Variants in AP2B1 observed in about 807,000 individuals in gnomAD.
AP2B1 encodes AP-2 complex subunit beta.
A neutral mutation model predicts 102.0 loss-of-function variants in AP2B1; 23 were observed. The ratio of observed to expected loss-of-function variants is 0.23; its 90% CI spans 0.16 to 0.32. AP2B1 has a LOEUF of 0.32. Ranked by LOEUF, AP2B1 falls within the 10% of genes least tolerant of loss-of-function variation. The pLI is 1.00. For synonymous variants in AP2B1, 381 were observed against 421.2 expected (o/e 0.90, Z 1.17); for missense variants, 541 against 1,157.4 (o/e 0.47, Z 7.73).
chr17:35,656,852 T>G (rs1198952345), intron 13 of AP2B1, among the ~76,000 whole-genome samples: 1 of 142,692 alleles, frequency 7.0e-6, no homozygotes, highest in Non-Finnish European at 1.5e-5. Context: ...GCCACTGCAC[T>G]CCAGCCTGGG....
intron 6 of AP2B1, among the ~76,000 whole-genome samples, chr17:35,625,140 CT>C (rs2074281770): frequency 6.6e-6 from 1 of 151,910 alleles, no homozygotes; most frequent in African/African-American, 2.4e-5. Context: ...TAGAAATTGA[CT>C]ACTAAATTTC....
At chr17:35,640,226 G>C (rs1355062811) in intron 11 of AP2B1, among the ~76,000 whole-genome samples, 2 of 79,938 alleles carry the variant, frequency 2.5e-5, no homozygotes, top group African/African-American at 1.1e-4. Flanking sequence ...CAGTTTTACT[G>C]ATTTTTTTTT....
chr17:35,604,627 G>A (rs1030557141), intron 3 of AP2B1, among the ~76,000 whole-genome samples: 6 of 152,018 alleles, frequency 3.9e-5, no homozygotes, highest in South Asian at 4.1e-4. Context: ...GAGTGGTGGC[G>A]CACGCCTGTA....
Position 35,679,927 on chromosome 17 carries a change from C to CTT in AP2B1, c.2325-2753_2325-2752dup, listed in dbSNP as rs34182919. The stretch of plus-strand genomic sequence containing the variant: ...TCTTGGAAGAGTATGTGTGTAAACT[C>CTT]TTTTTTTTTTTTTTTTGAGACAGAG... On this transcript the variant is annotated intron_variant, in intron 17 of 21. Coordinates refer to ENST00000610402, the MANE Select transcript of AP2B1 (RefSeq NM_001030006.2). Among the ~76,000 whole-genome samples the CTT allele has an allele frequency of 4.2e-3, 571 of 136,780 alleles. 1 individual carries two copies. Among genetic ancestry groups the CTT allele is most frequent in the African/African-American group, 0.014 (518 of 36,676 alleles). The allele number at this position is 136,780 out of a possible 152,430, so 89.7% of individuals were successfully genotyped here.
chr17:35,677,546 C>CT lies in AP2B1; in HGVS notation c.2324+3226dup, dbSNP rs1337267224. On this transcript the variant is annotated intron_variant, in intron 17 of 21. Coordinates refer to ENST00000610402, the MANE Select transcript of AP2B1 (RefSeq NM_001030006.2). ...GTCTTGAAATCAGATGGCCTAAGTCCTGCAACTTTTTTTCTTTTCAAAGCT... is the reference window on the plus strand; with the variant it reads ...GTCTTGAAATCAGATGGCCTAAGTCCTTGCAACTTTTTTTCTTTTCAAAGCT... Among the ~76,000 whole-genome samples the CT allele has an allele frequency of 5.3e-5, 8 of 152,172 alleles. No homozygotes were observed. The East Asian group carries it at 1.4e-3, about 26-fold the overall frequency.
chr17:35,707,742 T>C (rs1474751341), intron 18 of AP2B1, among the ~76,000 whole-genome samples: 1 of 152,208 alleles, frequency 6.6e-6, no homozygotes, highest in Non-Finnish European at 1.5e-5. Flanking sequence ...CGTGAGCCAC[T>C]GCACCCACCC....
intron 7 of AP2B1, 64 bp downstream of exon 7, chr17:35,626,906 A>T: frequency 7.1e-7 from 1 of 1,410,378 alleles, no homozygotes; most frequent in Non-Finnish European, 1.0e-6. Context: ...AATAATGTCA[A>T]TGTTAATTAG....
intron 18 of AP2B1, among the ~76,000 whole-genome samples, chr17:35,696,413 CTTTTTTT>C (rs71366474): frequency 3.0e-5 from 4 of 131,284 alleles, no homozygotes; most frequent in African/African-American, 1.1e-4. Context: ...GGAATAAGTT[CTTTTTTT>C]TTTTTTTTTT....
At chr17:35,696,697 T>A (rs1160157013) in intron 18 of AP2B1, among the ~76,000 whole-genome samples, 2 of 152,090 alleles carry the variant, frequency 1.3e-5, no homozygotes, top group African/African-American at 4.8e-5. Flanking sequence ...GGCTAAATAG[T>A]ACCTTTTTAA....
Position 35,587,676 on chromosome 17 carries a change from A to C in AP2B1, c.-24+248A>C, listed in dbSNP as rs933388453. Reference sequence around the variant, plus strand: ...GGTGTGGCAGCAGGTAGTTGGGGGCAGGAGGGGAAGATGTGTTTCGGAATT... The same window carrying C: ...GGTGTGGCAGCAGGTAGTTGGGGGCCGGAGGGGAAGATGTGTTTCGGAATT... On this transcript the variant is annotated intron_variant, in intron 1 of 21. Transcript: ENST00000610402. 2.6e-5 allele frequency: 4 copies of C among 152,730 alleles called. No individual in the cohort carries two copies. In the Admixed American group the frequency reaches 2.6e-4, roughly 10 times the overall value. The allele number at this position is 152,730 out of a possible 1,614,324, so 9.5% of individuals were successfully genotyped here.
chr17:35,680,254 C>T (rs1403758713), intron 17 of AP2B1, among the ~76,000 whole-genome samples: 10 of 152,160 alleles, frequency 6.6e-5, no homozygotes, highest in Admixed American at 6.5e-4. Flanking sequence ...TCCCATCTTC[C>T]ATCATGTGGC....
rs71152739 is a variant in AP2B1 at position 35,616,142 on chromosome 17, CTTTTTTTTTTTTTTTTTTTTTTTTTTT to C, written c.525+7768_525+7794del. On this transcript the variant is annotated intron_variant, in intron 5 of 21. Transcript: ENST00000610402. The stretch of plus-strand genomic sequence containing the variant: ...TGAACTTAGGTTTTAAAAAATATCT[CTTTTTTTTTTTTTTTTTTTTTTTTTTT>C]TTTTTTTTTTTTGGAGACGGAGTCT... Among the ~76,000 whole-genome samples the C allele has an allele frequency of 8.7e-4, 50 of 57,446 alleles. 1 individual carries two copies. The highest frequency in any genetic ancestry group is 2.9e-3 in the African/African-American group (40 of 13,762). 37.7% of individuals were successfully genotyped at this position (57,446 alleles called of 152,430 possible). A position where few individuals can be genotyped will look rare whatever the true frequency, so the allele number is the denominator to read the frequency against.
At chr17:35,661,258 T>C (rs1489211332) in intron 14 of AP2B1, among the ~76,000 whole-genome samples, 3 of 152,096 alleles carry the variant, frequency 2.0e-5, no homozygotes, top group African/African-American at 4.8e-5. Context: ...ATACTATCAA[T>C]ACTTGAGTCC....
chr17:35,719,628 CT>C (rs199560272), intron 21 of AP2B1, among the ~76,000 whole-genome samples: 3,980 of 152,264 alleles, frequency 0.026, 75 homozygotes, highest in South Asian at 0.053. Context: ...TCCATTCATC[CT>C]TTGAAGAATA....
chr17:35,654,467 T>A (rs920358492), intron 13 of AP2B1, among the ~76,000 whole-genome samples: 1 of 152,250 alleles, frequency 6.6e-6, no homozygotes, highest in Non-Finnish European at 1.5e-5. Context: ...TTAGCAGTTA[T>A]CAGTATCTTG....
intron 1 of AP2B1, among the ~76,000 whole-genome samples, chr17:35,590,655 G>C (rs2073064101): frequency 6.6e-6 from 1 of 152,086 alleles, no homozygotes; most frequent in African/African-American, 2.4e-5. Context: ...TCTTAATTTA[G>C]AATCTATCTT....
At chr17:35,617,041 A>G (rs941793041) in intron 5 of AP2B1, among the ~76,000 whole-genome samples, 3 of 152,216 alleles carry the variant, frequency 2.0e-5, no homozygotes, top group Non-Finnish European at 4.4e-5. Context: ...AGCCCCTAAT[A>G]ATAACAAACA....
intron 3 of AP2B1, among the ~76,000 whole-genome samples, chr17:35,605,415 A>AT (rs1420201546): frequency 6.6e-6 from 1 of 151,766 alleles, no homozygotes; most frequent in Admixed American, 6.6e-5. Flanking sequence ...TGCCTGGCTA[A>AT]TTTTTTGTAT....
intron 18 of AP2B1, among the ~76,000 whole-genome samples, chr17:35,699,946 G>A (rs936528792): frequency 2.0e-5 from 3 of 151,840 alleles, no homozygotes; most frequent in South Asian, 2.1e-4. Context: ...AAATAACAGA[G>A]TTAGCCAAGC....
Sources: allele counts gnomAD v4.1 joint callset (sites outside exome capture counted in the v4.1 genomes callset), GRCh38; gene constraint gnomAD v4.1.1; transcripts MANE v1.5; gene names NCBI Gene and HGNC (gene_info 2026-07-23, HGNC 2026-07-21).